Variants in NALF1 observed in about 807,000 individuals in gnomAD.
NALF1 encodes NALCN channel auxiliary factor 1, also known as family with sequence similarity 155 member A.
NALF1 carries 3 observed loss-of-function variants against 48.4 expected under a neutral mutation model. The observed-to-expected ratio is 0.06, with a 90% CI of 0.03 to 0.16. The LOEUF is 0.16. Among genes scored for constraint, NALF1 ranks in the 10% least tolerant of loss-of-function variants. NALF1 has a pLI of 1.00. For missense variants in NALF1, 526 were observed against 571.5 expected (o/e 0.92, Z 0.81); for synonymous variants, 262 against 245.7 (o/e 1.07, Z -0.62).
At chr13:107,772,114 G>GA (rs1207963303) in intron 1 of NALF1, among the ~76,000 whole-genome samples, 1 of 151,910 alleles carries the variant, frequency 6.6e-6, no homozygotes, top group African/African-American at 2.4e-5. Context: ...ACAAACCCTT[G>GA]AAGCAGAGCA....
intron 1 of NALF1, among the ~76,000 whole-genome samples, chr13:107,272,020 TAGAGAG>T (rs1244574783): frequency 6.6e-6 from 1 of 151,372 alleles, no homozygotes; most frequent in African/African-American, 2.4e-5. Context: ...GCTTGGGTTT[TAGAGAG>T]AAAGTGTACT....
chr13:107,667,516 C>T (rs1880890153), intron 1 of NALF1, among the ~76,000 whole-genome samples: 1 of 152,050 alleles, frequency 6.6e-6, no homozygotes, highest in Non-Finnish European at 1.5e-5. Context: ...GTTTAGGCCT[C>T]ATTTTCCTCA....
intron 1 of NALF1, among the ~76,000 whole-genome samples, chr13:107,479,982 G>A (rs73594717): frequency 0.028 from 4,233 of 152,088 alleles, 201 homozygotes; most frequent in African/African-American, 0.097. Context: ...TTGACACTAC[G>A]AAGATGGGTC....
intron 1 of NALF1, among the ~76,000 whole-genome samples, chr13:107,758,620 C>A (rs928367792): frequency 6.6e-6 from 1 of 152,048 alleles, no homozygotes; most frequent in Non-Finnish European, 1.5e-5. Context: ...ACTCGGGAGG[C>A]TGACACAGGA....
At chr13:107,739,415 T>C (rs1217109216) in intron 1 of NALF1, among the ~76,000 whole-genome samples, 1 of 147,446 alleles carries the variant, frequency 6.8e-6, no homozygotes, top group Non-Finnish European at 1.5e-5. Context: ...TATAAATTCA[T>C]ATATAACATA....
At chr13:107,789,740 AC>A (rs1192313130) in intron 1 of NALF1, among the ~76,000 whole-genome samples, 1 of 152,162 alleles carries the variant, frequency 6.6e-6, no homozygotes, top group African/African-American at 2.4e-5. Context: ...CAAAATCAGA[AC>A]TGGCACCCAG....
intron 2 of NALF1, among the ~76,000 whole-genome samples, chr13:107,197,805 G>A (rs1198648439): frequency 5.9e-5 from 9 of 152,276 alleles, no homozygotes; most frequent in African/African-American, 1.7e-4. Flanking sequence ...TAAATTTGAA[G>A]TTTCCTCATG....
At chr13:107,625,834 T>G (rs770621510) in intron 1 of NALF1, among the ~76,000 whole-genome samples, 2 of 152,234 alleles carry the variant, frequency 1.3e-5, no homozygotes, top group African/African-American at 2.4e-5. Flanking sequence ...CTGTTTTGAC[T>G]GATTATTTTC....
chr13:107,685,299 C>T (rs1035790504), intron 1 of NALF1, among the ~76,000 whole-genome samples: 6 of 151,966 alleles, frequency 3.9e-5, no homozygotes, highest in South Asian at 2.1e-4. Context: ...GGTGACAAGG[C>T]GAGACACCGT....
intron 1 of NALF1, among the ~76,000 whole-genome samples, chr13:107,603,587 C>T (rs1878990512): frequency 6.6e-6 from 1 of 152,106 alleles, no homozygotes; most frequent in African/African-American, 2.4e-5. Context: ...CACTCCTCTC[C>T]TTTTAATAAC....
At chr13:107,549,244 T>G (rs1349060573) in intron 1 of NALF1, among the ~76,000 whole-genome samples, 4 of 152,268 alleles carry the variant, frequency 2.6e-5, no homozygotes, top group Non-Finnish European at 5.9e-5. Flanking sequence ...CAATTGAGGG[T>G]GACAGTGGGA....
intron 1 of NALF1, among the ~76,000 whole-genome samples, chr13:107,741,555 G>A (rs10508187): frequency 0.07 from 10,568 of 151,890 alleles, 477 homozygotes; most frequent in South Asian, 0.16. Flanking sequence ...TACTATAAAC[G>A]GGAAGAGAAA....
At chr13:107,766,555 T>C (rs944509467) in intron 1 of NALF1, among the ~76,000 whole-genome samples, 6 of 152,310 alleles carry the variant, frequency 3.9e-5, no homozygotes, top group East Asian at 1.9e-4. Context: ...AAATATCTGC[T>C]GCGTTAATGA....
intron 1 of NALF1, among the ~76,000 whole-genome samples, chr13:107,256,228 C>T (rs56225714): frequency 0.11 from 17,231 of 152,150 alleles, 1,150 homozygotes; most frequent in African/African-American, 0.17. Context: ...CTGCTGTCTG[C>T]GCTCTTGAGA....
At chr13:107,761,223 G>A (rs1349881652) in intron 1 of NALF1, among the ~76,000 whole-genome samples, 1 of 152,120 alleles carries the variant, frequency 6.6e-6, no homozygotes, top group Non-Finnish European at 1.5e-5. Context: ...TGGGCATGGT[G>A]GCAGGCGCCT....
At chr13:107,783,414 A>G (rs939097687) in intron 1 of NALF1, among the ~76,000 whole-genome samples, 7 of 152,144 alleles carry the variant, frequency 4.6e-5, no homozygotes, top group Non-Finnish European at 7.4e-5. Flanking sequence ...GTTTTGTGGA[A>G]TAGAAAGCGG....
At position 107,509,785 on chromosome 13, in the gene NALF1, T is replaced by C. The variant is rs191271366; in HGVS notation, c.916-299030A>G. ...TTCCTGAAAGAACAACTGGTTTCAA[T>C]TGGTTTAACTACAATTATTATTATT... On this transcript the variant is annotated intron_variant, in intron 1 of 2. Transcript: ENST00000375915. Among the ~76,000 whole-genome samples, 616 of 152,200 alleles carry C rather than the reference T, an allele frequency of 4.0e-3. 6 individuals are homozygous for C. The highest frequency in any genetic ancestry group is 0.014 in the African/African-American group (572 of 41,540).
At chr13:107,314,372 G>A (rs537890445) in intron 1 of NALF1, among the ~76,000 whole-genome samples, 42 of 152,184 alleles carry the variant, frequency 2.8e-4, no homozygotes, top group Non-Finnish European at 5.9e-4. Flanking sequence ...ATTTCTTAAT[G>A]AGACTCTGGG....
At position 107,168,560 on chromosome 13, in the gene NALF1, A is replaced by G. The variant is rs544536600; in HGVS notation, c.*1937T>C. On this transcript the variant is annotated 3_prime_UTR_variant, in exon 3 of 3. Transcript: ENST00000375915. ...TTTTTGGTGTTTTCTTTTTTTTTGT[A>G]TTTGCGCAGACCATTTTAAGATTTT... 6.6e-6 allele frequency: 1 copy of G among 152,266 alleles called. No homozygotes were observed. The highest frequency in any genetic ancestry group is 2.4e-5 in the African/African-American group (1 of 41,318). 9.4% of individuals were successfully genotyped at this position (152,266 alleles called of 1,614,324 possible). A position where few individuals can be genotyped will look rare whatever the true frequency, so the allele number is the denominator to read the frequency against.
Sources: gnomAD v4.1 joint callset for allele counts (sites outside exome capture counted in the v4.1 genomes callset) on GRCh38, gnomAD v4.1.1 for gene constraint, MANE v1.5 for transcripts, NCBI Gene and HGNC (gene_info 2026-07-23, HGNC 2026-07-21) for gene names.